The following GNAQ variants were observed in gnomAD, a reference collection of about 807,000 sequenced individuals.
GNAQ encodes G protein subunit alpha q.
GNAQ carries 8 observed loss-of-function variants against 43.9 expected under a neutral mutation model. That is an observed-to-expected ratio of 0.18 (90% CI 0.11 to 0.33). The LOEUF (loss-of-function observed/expected upper bound fraction) is 0.33, where lower values mean the gene tolerates loss of function less well. GNAQ is among the 10% of genes least tolerant of loss of function. The probability of loss-of-function intolerance (pLI) is 1.00; values close to 1 mark genes in which losing one functional copy is unlikely to be tolerated. For missense variants in GNAQ, 158 were observed against 450.8 expected (o/e 0.35, Z 5.88); for synonymous variants, 155 against 170.7 (o/e 0.91, Z 0.71).
intron 2 of GNAQ, among the ~76,000 whole-genome samples, chr9:77,920,080 A>G (rs1465619332): frequency 6.6e-6 from 1 of 152,130 alleles, no homozygotes; most frequent in Non-Finnish European, 1.5e-5. Context: ...CGCAGATTGC[A>G]GTGAGCTGAG....
chr9:77,732,161 T>C (rs577988846), intron 5 of GNAQ, among the ~76,000 whole-genome samples: 1 of 152,186 alleles, frequency 6.6e-6, no homozygotes, highest in Non-Finnish European at 1.5e-5. Flanking sequence ...TTGTGGCACC[T>C]GCTTTGCAGT....
chr9:78,013,999 T>A (rs951472671), intron 1 of GNAQ, among the ~76,000 whole-genome samples: 1 of 152,186 alleles, frequency 6.6e-6, no homozygotes, highest in Non-Finnish European at 1.5e-5. Flanking sequence ...TAATACCATT[T>A]GATCTCTGAA....
At chr9:77,830,434 C>T (rs1827281264) in intron 2 of GNAQ, among the ~76,000 whole-genome samples, 1 of 152,144 alleles carries the variant, frequency 6.6e-6, no homozygotes. Context: ...AACAATGGCG[C>T]CAGGACTTGT....
chr9:77,848,661 T>G (rs1218326482), intron 2 of GNAQ, among the ~76,000 whole-genome samples: 1 of 151,996 alleles, frequency 6.6e-6, no homozygotes, highest in East Asian at 1.9e-4. Flanking sequence ...GAATAAGGAG[T>G]GGTCTATCCA....
chr9:77,870,200 A>C (rs1564136084), intron 2 of GNAQ, among the ~76,000 whole-genome samples: 1 of 152,150 alleles, frequency 6.6e-6, no homozygotes, highest in East Asian at 1.9e-4. Flanking sequence ...GCTAATAGAG[A>C]ATCTTTGAGT....
chr9:77,738,309 G>C (rs957946925), intron 5 of GNAQ, among the ~76,000 whole-genome samples: 1 of 112,198 alleles, frequency 8.9e-6, no homozygotes, highest in Non-Finnish European at 2.1e-5. Context: ...TTAATAGCAC[G>C]CTACAAACCA....
At chr9:77,733,606 C>T (rs1383814821) in intron 5 of GNAQ, among the ~76,000 whole-genome samples, 3 of 152,200 alleles carry the variant, frequency 2.0e-5, no homozygotes, top group African/African-American at 7.2e-5. Flanking sequence ...CTTGCTCCTT[C>T]CTCCCATCCC....
intron 2 of GNAQ, among the ~76,000 whole-genome samples, chr9:77,857,954 C>G (rs894332092): frequency 5.3e-5 from 8 of 151,898 alleles, no homozygotes; most frequent in African/African-American, 1.7e-4. Context: ...ACAAACTCCC[C>G]AAAAGCTTTT....
intron 5 of GNAQ, among the ~76,000 whole-genome samples, chr9:77,753,981 T>C (rs1022805488): frequency 6.6e-6 from 1 of 152,192 alleles, no homozygotes; most frequent in Non-Finnish European, 1.5e-5. Context: ...AAACTTCTCT[T>C]GAAAGCAAAA....
chr9:77,921,522 T>C (rs1195274596), intron 2 of GNAQ, among the ~76,000 whole-genome samples: 5 of 152,248 alleles, frequency 3.3e-5, no homozygotes, highest in South Asian at 4.1e-4. Flanking sequence ...TGCTAGAGGA[T>C]ACTGGAAGTG....
At position 77,840,352 on chromosome 9, in the gene GNAQ, T is replaced by TA. The variant is rs1491575263; in HGVS notation, c.322-24583_322-24582insT. Reference sequence around the variant, plus strand: ...CAGATGTGTGCATTTGATTACTTTTTGTTTTTTTTTTTTTTTAGACGGAGT... The same window carrying TA: ...CAGATGTGTGCATTTGATTACTTTTTAGTTTTTTTTTTTTTTTAGACGGAGT... On this transcript the variant is annotated intron_variant, in intron 2 of 6. Transcript: ENST00000286548. Among the ~76,000 whole-genome samples, 60 of 103,802 alleles carry TA rather than the reference T, an allele frequency of 5.8e-4. 1 individual carries two copies. The highest frequency in any genetic ancestry group is 1.1e-3 in the Non-Finnish European group (48 of 43,126). The allele number at this position is 103,802 out of a possible 152,430, so 68.1% of individuals were successfully genotyped here. A position where few individuals can be genotyped will look rare whatever the true frequency, so the allele number is the denominator to read the frequency against.
intron 5 of GNAQ, among the ~76,000 whole-genome samples, chr9:77,771,701 T>C (rs924434739): frequency 3.3e-5 from 5 of 152,138 alleles, no homozygotes; most frequent in African/African-American, 1.2e-4. Context: ...CAGAAGAGTA[T>C]TAAACCAAGT....
At chr9:77,889,248 TA>T (rs200314744) in intron 2 of GNAQ, among the ~76,000 whole-genome samples, 7 of 147,266 alleles carry the variant, frequency 4.8e-5, no homozygotes, top group African/African-American at 7.5e-5. Flanking sequence ...TCCCATCTTT[TA>T]AAAAAAAAAT....
At chr9:77,819,827 C>T (rs1163907011) in intron 2 of GNAQ, among the ~76,000 whole-genome samples, 1 of 148,968 alleles carries the variant, frequency 6.7e-6, no homozygotes, top group African/African-American at 2.5e-5. Flanking sequence ...TTTTCTTCTG[C>T]TCAAAGGAAG....
At chr9:77,848,932 T>C (rs1827628609) in intron 2 of GNAQ, among the ~76,000 whole-genome samples, 2 of 152,146 alleles carry the variant, frequency 1.3e-5, no homozygotes, top group South Asian at 4.1e-4. Flanking sequence ...GAAGACACCG[T>C]TCTAGACATA....
At chr9:77,827,419 C>G (rs1346259869) in intron 2 of GNAQ, among the ~76,000 whole-genome samples, 1 of 149,446 alleles carries the variant, frequency 6.7e-6, no homozygotes, top group African/African-American at 2.5e-5. Context: ...ACTTGCATTG[C>G]TTTTTCAAGG....
At chr9:77,993,224 T>C (rs1823530400) in intron 1 of GNAQ, among the ~76,000 whole-genome samples, 2 of 152,182 alleles carry the variant, frequency 1.3e-5, no homozygotes, top group Admixed American at 1.3e-4. Flanking sequence ...TGGAGAAATA[T>C]GCTTTGGTAT....
intron 1 of GNAQ, among the ~76,000 whole-genome samples, chr9:77,944,936 G>C (rs1340369203): frequency 6.6e-6 from 1 of 152,180 alleles, no homozygotes; most frequent in Non-Finnish European, 1.5e-5. Flanking sequence ...GCTCATGTGG[G>C]CTGTCCCATC....
chr9:77,850,780 A>G (rs1827662855), intron 2 of GNAQ, among the ~76,000 whole-genome samples: 1 of 152,050 alleles, frequency 6.6e-6, no homozygotes, highest in East Asian at 1.9e-4. Flanking sequence ...ACCTGTAAAA[A>G]CTGCTGGTGT....
Sources: allele counts gnomAD v4.1 joint callset (sites outside exome capture counted in the v4.1 genomes callset), GRCh38; gene constraint gnomAD v4.1.1; transcripts MANE v1.5; gene names NCBI Gene and HGNC (gene_info 2026-07-23, HGNC 2026-07-21).